The following RBFOX2 variants were observed in gnomAD, a reference collection of about 807,000 sequenced individuals.
The protein encoded by RBFOX2 is RNA binding protein fox-1 homolog 2.
Under a neutral mutation model 49.1 loss-of-function variants are expected in RBFOX2, and 10 were observed. The observed-to-expected ratio is 0.20, with a 90% confidence interval of 0.13 to 0.35. RBFOX2 has a LOEUF of 0.35. Among genes scored for constraint, RBFOX2 ranks in the 10% least tolerant of loss-of-function variants. The probability of loss-of-function intolerance (pLI) is 1.00; values close to 1 mark genes in which losing one functional copy is unlikely to be tolerated. For missense variants in RBFOX2, 323 were observed against 486.9 expected (o/e 0.66, Z 3.17); for synonymous variants, 183 against 187.4 (o/e 0.98, Z 0.19).
chr22:35,935,654 G>A (rs1030324916), intron 1 of RBFOX2, among the ~76,000 whole-genome samples: 6 of 152,124 alleles, frequency 3.9e-5, no homozygotes, highest in South Asian at 2.1e-4. Flanking sequence ...AGAAGTCTAC[G>A]AAGCCCCCAC....
chr22:36,012,385 T>C (rs1270792312), intron 1 of RBFOX2, among the ~76,000 whole-genome samples: 1 of 152,152 alleles, frequency 6.6e-6, no homozygotes, highest in Non-Finnish European at 1.5e-5. Context: ...TCATCACCTA[T>C]CTTTCAGGGT....
chr22:35,967,251 C>A (rs992276619), intron 1 of RBFOX2, among the ~76,000 whole-genome samples: 1 of 152,248 alleles, frequency 6.6e-6, no homozygotes, highest in South Asian at 2.1e-4. Context: ...TGAAAACATT[C>A]TTCTTTGTTT....
intron 1 of RBFOX2, among the ~76,000 whole-genome samples, chr22:36,002,426 G>A (rs1390309612): frequency 6.6e-6 from 1 of 152,202 alleles, no homozygotes; most frequent in Admixed American, 6.5e-5. Flanking sequence ...ATACTATGTG[G>A]TCATTTAAAA....
chr22:36,026,545 C>CATACAG (rs68181005), intron 1 of RBFOX2, among the ~76,000 whole-genome samples: 1 of 116,928 alleles, frequency 8.6e-6, no homozygotes. Flanking sequence ...AATACATACA[C>CATACAG]ACACACACAC....
chr22:35,866,694 C>T (rs2043719150), intron 1 of RBFOX2, among the ~76,000 whole-genome samples: 1 of 152,074 alleles, frequency 6.6e-6, no homozygotes, highest in Non-Finnish European at 1.5e-5. Flanking sequence ...CCAGAAACAC[C>T]AACAGGCACT....
intron 1 of RBFOX2, among the ~76,000 whole-genome samples, chr22:35,868,786 A>G (rs2043993383): frequency 6.6e-6 from 1 of 152,220 alleles, no homozygotes; most frequent in Non-Finnish European, 1.5e-5. Flanking sequence ...AAATTCTCAA[A>G]GATGTTCGAG....
intron 1 of RBFOX2, among the ~76,000 whole-genome samples, chr22:35,988,381 G>A (rs949612600): frequency 6.6e-6 from 1 of 152,142 alleles, no homozygotes. Context: ...CCCTACCCTC[G>A]AAGAGCTTAC....
chr22:35,801,381 T>C (rs1227140737), intron 2 of RBFOX2, among the ~76,000 whole-genome samples: 1 of 151,778 alleles, frequency 6.6e-6, no homozygotes, highest in African/African-American at 2.4e-5. Flanking sequence ...CAAATCTAGG[T>C]TTTACAATGT....
At chr22:35,786,602 C>T (rs2082180690) in intron 2 of RBFOX2, among the ~76,000 whole-genome samples, 1 of 152,202 alleles carries the variant, frequency 6.6e-6, no homozygotes, top group Admixed American at 6.5e-5. Flanking sequence ...TAACTCTAGG[C>T]CTCCCAAAGT....
chr22:35,808,811 C>A (rs1279525415), intron 2 of RBFOX2, among the ~76,000 whole-genome samples: 1 of 152,042 alleles, frequency 6.6e-6, no homozygotes, highest in African/African-American at 2.4e-5. Flanking sequence ...TATGTTCATG[C>A]CACTGCACTC....
chr22:35,966,339 G>A (rs2056557539), upstream of RBFOX2, among the ~76,000 whole-genome samples: 1 of 152,138 alleles, frequency 6.6e-6, no homozygotes, highest in South Asian at 2.1e-4. Flanking sequence ...ATACATTTCG[G>A]TTGGGTATGC....
At chr22:35,879,982 C>T (rs555844265) in intron 1 of RBFOX2, among the ~76,000 whole-genome samples, 1 of 152,238 alleles carries the variant, frequency 6.6e-6, no homozygotes, top group South Asian at 2.1e-4. Flanking sequence ...ATGGCGAAAC[C>T]CTGTCTCTAC....
At chr22:36,010,774 CACACGT>C (rs1293176433) in intron 1 of RBFOX2, among the ~76,000 whole-genome samples, 16 of 147,430 alleles carry the variant, frequency 1.1e-4, no homozygotes, top group South Asian at 2.2e-4. Context: ...CACACACACA[CACACGT>C]GTGTTTATAT....
At chr22:35,961,782 G>A, upstream of RBFOX2, 2 of 1,164,440 alleles carry the variant, frequency 1.7e-6, no homozygotes, top group South Asian at 1.6e-5. Context: ...GCTTTCAACA[G>A]GAACCTGAGC....
chr22:35,797,051 A>G (rs1163257194), intron 2 of RBFOX2, among the ~76,000 whole-genome samples: 3 of 152,074 alleles, frequency 2.0e-5, no homozygotes, highest in Non-Finnish European at 4.4e-5. Flanking sequence ...TACTTAGGAG[A>G]CATAGCATGT....
chr22:35,909,597 A>G (rs2049535417), intron 1 of RBFOX2, among the ~76,000 whole-genome samples: 1 of 152,230 alleles, frequency 6.6e-6, no homozygotes. Flanking sequence ...ATCTATCATG[A>G]AAAGTGCAAT....
chr22:36,014,440 TA>T (rs2058955751), intron 1 of RBFOX2, among the ~76,000 whole-genome samples: 3 of 152,192 alleles, frequency 2.0e-5, no homozygotes, highest in Non-Finnish European at 2.9e-5. Context: ...GAGCAATCAA[TA>T]CAATACAGCT....
intron 1 of RBFOX2, among the ~76,000 whole-genome samples, chr22:35,932,021 T>C (rs1048781574): frequency 6.6e-6 from 1 of 152,186 alleles, no homozygotes; most frequent in African/African-American, 2.4e-5. Context: ...AGTCAACATA[T>C]ATGTATGTGT....
intron 1 of RBFOX2, among the ~76,000 whole-genome samples, chr22:35,811,179 A>T (rs1481913592): frequency 1.3e-5 from 2 of 152,168 alleles, no homozygotes; most frequent in Non-Finnish European, 2.9e-5. Context: ...GGGGGCTGCC[A>T]CAGTCTAGAT....
Sources: allele counts gnomAD v4.1 joint callset (sites outside exome capture counted in the v4.1 genomes callset), GRCh38; gene constraint gnomAD v4.1.1; transcripts MANE v1.5; gene names NCBI Gene and HGNC (gene_info 2026-07-23, HGNC 2026-07-21).